BRINP1: variants seen among roughly 807,000 people sequenced by gnomAD.
The protein encoded by BRINP1 is BMP/retinoic acid inducible neural specific 1, also known as BMP/retinoic acid-inducible neural-specific protein 1.
BRINP1 carries 17 observed loss-of-function variants against 72.9 expected under a neutral mutation model. That is an observed-to-expected ratio of 0.23 (90% CI 0.16 to 0.35). The LOEUF (loss-of-function observed/expected upper bound fraction) is 0.35. Ranked by LOEUF, BRINP1 falls within the 10% of genes least tolerant of loss-of-function variation. The pLI is 1.00. For missense variants in BRINP1, 850 were observed against 1,001.6 expected (o/e 0.85, Z 2.04); for synonymous variants, 418 against 378.5 (o/e 1.10, Z -1.21).
chr9:119,331,403 A>G (rs1184685521), intron 1 of BRINP1, among the ~76,000 whole-genome samples: 2 of 152,062 alleles, frequency 1.3e-5, no homozygotes, highest in African/African-American at 2.4e-5. Context: ...TGGGTTTTGG[A>G]TTTTTCTTGC....
At chr9:119,318,611 T>C (rs1292805582) in intron 1 of BRINP1, among the ~76,000 whole-genome samples, 1 of 151,928 alleles carries the variant, frequency 6.6e-6, no homozygotes, top group Admixed American at 6.6e-5. Context: ...AGCCCCCAAG[T>C]GGCAAGCAGG....
At chr9:119,250,124 A>AGGAG (rs556169652) in intron 2 of BRINP1, among the ~76,000 whole-genome samples, 2 of 46,152 alleles carry the variant, frequency 4.3e-5, no homozygotes, top group Non-Finnish European at 8.4e-5. Flanking sequence ...GAGGGAGGGA[A>AGGAG]GGAGGGAGGG....
rs566237740 is a variant in BRINP1 at position 119,254,926 on chromosome 9, T to C, written c.219-5776A>G. Among the ~76,000 whole-genome samples the C allele has an allele frequency of 5.3e-5, 8 of 152,290 alleles. 2 individuals are homozygous for C. In the South Asian group the frequency reaches 1.7e-3, roughly 32 times the overall value. ...AACTCCATTCATAGAAGTCATCAAA[T>C]CCAACTAATACCATCCACTGATGGG... On this transcript the variant is annotated intron_variant, in intron 2 of 7. Transcript: ENST00000265922.
chr9:119,278,907 C>A (rs1057205675), intron 2 of BRINP1, among the ~76,000 whole-genome samples: 1 of 151,976 alleles, frequency 6.6e-6, no homozygotes, highest in Non-Finnish European at 1.5e-5. Flanking sequence ...ACAACAACAA[C>A]AAAACAAACA....
At position 119,313,340 on chromosome 9, in the gene BRINP1, C is replaced by T; in HGVS notation, c.16G>A (p.Val6Ile). 2 of 1,613,842 alleles carry T rather than the reference C, an allele frequency of 1.2e-6. No homozygotes were observed. The highest frequency in any genetic ancestry group is 1.3e-5 in the African/African-American group (1 of 75,026). The change falls in exon 2 of 8, where the codon GTT (valine) becomes ATT (isoleucine). Residue 6 changes from valine (V) to isoleucine (I), a missense_variant. By Grantham distance (29) the Val-to-Ile change is conservative. Coordinates refer to ENST00000265922, the MANE Select transcript of BRINP1 (RefSeq NM_014618.3). Reference sequence around the variant, plus strand: ...ATAAACAGGAAGTAGAGGAGCTCAACAAACCTCCAGTTCATGCTTTTCTGC... The same window carrying T: ...ATAAACAGGAAGTAGAGGAGCTCAATAAACCTCCAGTTCATGCTTTTCTGC... MNWRF[V>I]ELLYFLFIWG...
At chr9:119,250,550 C>T (rs957710063) in intron 2 of BRINP1, among the ~76,000 whole-genome samples, 4 of 152,158 alleles carry the variant, frequency 2.6e-5, no homozygotes, top group African/African-American at 7.2e-5. Context: ...GTGCAAAATA[C>T]CTTTGGAAAC....
intron 2 of BRINP1, among the ~76,000 whole-genome samples, chr9:119,290,702 G>A (rs1358824531): frequency 6.6e-6 from 1 of 152,124 alleles, no homozygotes; most frequent in Non-Finnish European, 1.5e-5. Flanking sequence ...GGGAAGGGCA[G>A]CAGCATTTGA....
chr9:119,172,289 TAAAG>T (rs932848245), intron 7 of BRINP1, among the ~76,000 whole-genome samples: 47 of 152,092 alleles, frequency 3.1e-4, no homozygotes, highest in Non-Finnish European at 5.7e-4. Context: ...TAAAAAATGA[TAAAG>T]GGGATATCAC....
chr9:119,212,826 T>A (rs1378987888), intron 6 of BRINP1, among the ~76,000 whole-genome samples: 1 of 152,192 alleles, frequency 6.6e-6, no homozygotes, highest in East Asian at 1.9e-4. Context: ...TTTCCAAATC[T>A]TTCAGGGTGT....
Position 119,249,123 on chromosome 9 carries a change from G to A in BRINP1, c.246C>T (p.Asn82=). 1.9e-6 allele frequency: 3 copies of A among 1,613,860 alleles called. No homozygotes were observed. The highest frequency in any genetic ancestry group is 2.2e-5 in the South Asian group (2 of 91,046). Residue 82 remains asparagine (N), a synonymous_variant, in exon 3 of 8, where the codon AAC becomes AAT. Transcript: ENST00000265922. ...YREFARWKVR[N]TAIERRDLVR... is the part of the protein sequence containing the mutation. ...CCAGATCTCTCCTCTCGATGGCTGT[G>A]TTCCTCACCTTCCAACGGGCAAACT...
At chr9:119,248,358 C>T (rs1410713317) in intron 3 of BRINP1, among the ~76,000 whole-genome samples, 1 of 152,252 alleles carries the variant, frequency 6.6e-6, no homozygotes, top group African/African-American at 2.4e-5. Context: ...TCTAAAGGCA[C>T]TAGTCTGCAC....
chr9:119,213,551 C>T (rs558915996), intron 6 of BRINP1: 3 of 406,866 alleles, frequency 7.4e-6, no homozygotes, highest in South Asian at 9.4e-5. Flanking sequence ...TGGGTGCACA[C>T]ACAAACACAT....
chr9:119,167,593 G>A lies in BRINP1; in HGVS notation c.1777C>T (p.Gln593Ter). The change falls in exon 8 of 8, where the codon CAA becomes TAA. Residue 593 changes from glutamine to a stop codon, truncating the protein, a stop_gained. Transcript: ENST00000265922. LOFTEE classifies it high-confidence loss of function. This position sits in a 1 kb window ranked among gnomAD's most constrained non-coding sequence, Gnocchi z 4.3. ...GTCCAGTTGTAGCACTGGCTGTTTT[G>A]GAGACGGATCTTCTCCCAGCGTGGG... ...GYPRWEKIRL[Q>*]NSQCYNWTLL... The A allele has an allele frequency of 6.2e-7, 1 of 1,614,128 alleles. No homozygotes were observed. The highest frequency in any genetic ancestry group is 8.5e-7 in the Non-Finnish European group (1 of 1,180,022).
intron 1 of BRINP1, among the ~76,000 whole-genome samples, chr9:119,353,028 G>A (rs1408339560): frequency 6.6e-6 from 1 of 152,164 alleles, no homozygotes; most frequent in East Asian, 1.9e-4. Context: ...AGCTCTTAAA[G>A]CATGCCTCAA....
chr9:119,277,240 T>C (rs1410763105), intron 2 of BRINP1, among the ~76,000 whole-genome samples: 1 of 152,226 alleles, frequency 6.6e-6, no homozygotes, highest in Non-Finnish European at 1.5e-5. Context: ...TCTTTATTTT[T>C]CCCTTCTGCC....
At chr9:119,257,067 T>A (rs1830453758) in intron 2 of BRINP1, among the ~76,000 whole-genome samples, 2 of 152,222 alleles carry the variant, frequency 1.3e-5, no homozygotes, top group African/African-American at 2.4e-5. Flanking sequence ...TCCTGAACAC[T>A]TGATTCAAGT....
At chr9:119,173,698 A>G (rs1329552954) in intron 7 of BRINP1, among the ~76,000 whole-genome samples, 2 of 144,152 alleles carry the variant, frequency 1.4e-5, no homozygotes, top group African/African-American at 2.8e-5. Flanking sequence ...ATCCTAAGCC[A>G]AAAGAACAAA....
chr9:119,306,339 C>T (rs1227896618), intron 2 of BRINP1, among the ~76,000 whole-genome samples: 1 of 152,056 alleles, frequency 6.6e-6, no homozygotes, highest in African/African-American at 2.4e-5. Context: ...ACCAGATGGC[C>T]CAGAAAAATG....
At chr9:119,297,597 C>G (rs1486185600) in intron 2 of BRINP1, among the ~76,000 whole-genome samples, 1 of 152,196 alleles carries the variant, frequency 6.6e-6, no homozygotes, top group Non-Finnish European at 1.5e-5. Context: ...TATTCTGTAT[C>G]ATATCACACA....
Sources: gnomAD v4.1 joint callset for allele counts (sites outside exome capture counted in the v4.1 genomes callset) on GRCh38, gnomAD v4.1.1 for gene constraint, Gnocchi (gnomAD v3.1) non-coding constraint, MANE v1.5 for transcripts, NCBI Gene and HGNC (gene_info 2026-07-23, HGNC 2026-07-21) for gene names.